Variants in CSNK1G2 observed in about 807,000 individuals in gnomAD.
CSNK1G2 encodes the protein casein kinase 1 gamma 2, also known as casein kinase I isoform gamma-2.
A neutral mutation model predicts 48.0 loss-of-function variants in CSNK1G2; 11 were observed. The ratio of observed to expected loss-of-function variants is 0.23; its 90% CI spans 0.14 to 0.38. The LOEUF is 0.38. CSNK1G2 is among the 10% of genes least tolerant of loss of function. The pLI is 1.00. For missense variants in CSNK1G2, 446 were observed against 595.5 expected (o/e 0.75, Z 2.61); for synonymous variants, 337 against 254.1 (o/e 1.33, Z -3.10).
intron 1 of CSNK1G2, among the ~76,000 whole-genome samples, chr19:1,947,961 C>T (rs994933752): frequency 4.6e-4 from 8 of 17,564 alleles, no homozygotes; most frequent in African/African-American, 1.3e-3. Context: ...TGAGTCAGCT[C>T]GTCCTCGTGC....
chr19:1,957,808 G>A lies in CSNK1G2; in HGVS notation c.-265-11700G>A, dbSNP rs1230039591. On this transcript the variant is annotated intron_variant, in intron 1 of 11. Transcript: ENST00000255641. This position sits in a 1 kb window ranked among gnomAD's most constrained non-coding sequence, Gnocchi z 5.4. ...TGCCGTGTGTGGGGGGTATGTGCTC[G>A]GCGGGCGCCGTGTTTGTGGGGTGGG... is the stretch of plus-strand genomic sequence containing the variant. Among the ~76,000 whole-genome samples, 1 of 152,092 alleles carries A rather than the reference G, an allele frequency of 6.6e-6. No homozygotes were observed. Among genetic ancestry groups the A allele is most frequent in the South Asian group, 2.1e-4 (1 of 4,806 alleles).
rs544074723 is a variant in CSNK1G2, at chr19:1,978,607, G to A, written c.304G>A (p.Val102Ile). 6.3e-6 allele frequency: 10 copies of A among 1,596,100 alleles called. No individual in the cohort carries two copies. The African/African-American group carries it at 9.4e-5, about 15-fold the overall frequency. ...GCGTCTGTCCTCCGCCGCAGAGGGC[G>A]TCCCTCAGGTCTACTACTTCGGTCC... The part of the protein sequence containing the change: ...FYKQLSATEG[V>I]PQVYYFGPCG... Residue 102 changes from valine (V) to isoleucine (I), a missense_variant, in exon 5 of 12, where the codon GTC becomes ATC. Transcript: ENST00000255641. The surrounding 1 kb of genome is among the most constrained non-coding windows in gnomAD (Gnocchi z 7.3).
At chr19:1,955,978 G>A (rs748075517) in intron 1 of CSNK1G2, among the ~76,000 whole-genome samples, 41 of 152,344 alleles carry the variant, frequency 2.7e-4, no homozygotes, top group Non-Finnish European at 5.0e-4. Context: ...CAGCCTGCTC[G>A]TTGGCCGGGC....
chr19:1,968,519 C>T (rs1238433838), intron 1 of CSNK1G2, among the ~76,000 whole-genome samples: 2 of 152,202 alleles, frequency 1.3e-5, no homozygotes, highest in Non-Finnish European at 2.9e-5. Flanking sequence ...AGCCATGAGC[C>T]CCTGTCCAGA....
intron 1 of CSNK1G2, among the ~76,000 whole-genome samples, chr19:1,955,690 G>C (rs535723892): frequency 6.6e-6 from 1 of 152,302 alleles, no homozygotes; most frequent in Admixed American, 6.5e-5. Context: ...TTGGAGGCGG[G>C]ATCCAGCCCT....
intron 1 of CSNK1G2, among the ~76,000 whole-genome samples, chr19:1,947,801 G>C (rs2014616633): frequency 6.6e-6 from 1 of 152,222 alleles, no homozygotes; most frequent in Non-Finnish European, 1.5e-5. Flanking sequence ...GGTCAGGCCT[G>C]TACGCCGTGG....
chr19:1,977,135 G>T (rs1458341198), intron 2 of CSNK1G2, among the ~76,000 whole-genome samples: 1 of 152,240 alleles, frequency 6.6e-6, no homozygotes, highest in Admixed American at 6.5e-5. Context: ...GAGAGACGGG[G>T]CTGCCCCACA....
At chr19:1,961,483 C>A (rs1349854975) in intron 1 of CSNK1G2, among the ~76,000 whole-genome samples, 1 of 152,254 alleles carries the variant, frequency 6.6e-6, no homozygotes, top group African/African-American at 2.4e-5. Flanking sequence ...CTGTCCGTTT[C>A]TCCAGAAGGC....
At chr19:1,969,259 A>C (rs948933062) in intron 1 of CSNK1G2, among the ~76,000 whole-genome samples, 1 of 59,976 alleles carries the variant, frequency 1.7e-5, no homozygotes, top group African/African-American at 7.7e-5. Context: ...CCCGCTTTAC[A>C]GAAAGCCCCC....
chr19:1,976,561 T>C (rs1305402556), intron 2 of CSNK1G2, among the ~76,000 whole-genome samples: 1 of 152,208 alleles, frequency 6.6e-6, no homozygotes, highest in South Asian at 2.1e-4. Flanking sequence ...GAAGAGGCTC[T>C]CAGGGCCCAG....
Position 1,978,664 on chromosome 19 carries a change from C to T in CSNK1G2, c.361C>T (p.Leu121=). Residue 121 remains leucine (L), a synonymous_variant, in exon 5 of 12, where the codon CTG becomes TTG. Transcript: ENST00000255641. This position sits in a 1 kb window ranked among gnomAD's most constrained non-coding sequence, Gnocchi z 7.3. ...CGKYNAMVLE[L]LGPSLEDLFD... ...GAAGTACAACGCCATGGTGCTGGAGCTGCTGGGGCCCAGCCTGGAGGACCT... is the reference window on the plus strand; with the variant it reads ...GAAGTACAACGCCATGGTGCTGGAGTTGCTGGGGCCCAGCCTGGAGGACCT... The T allele has an allele frequency of 6.2e-7, 1 of 1,607,136 alleles. No individual in the cohort carries two copies. Among genetic ancestry groups the T allele is most frequent in the South Asian group, 1.1e-5 (1 of 90,144 alleles).
At position 1,980,506 on chromosome 19, in the gene CSNK1G2, C is replaced by T; in HGVS notation, c.*303C>T. On this transcript the variant is annotated 3_prime_UTR_variant, in exon 12 of 12. Coordinates refer to ENST00000255641, the MANE Select transcript of CSNK1G2 (RefSeq NM_001319.7). ...AAACAGAGGCCCGCCCTACCCCACTCCTGCCCCTCCGTTTCTTTGCTGAAG... is the reference window on the plus strand; with the variant it reads ...AAACAGAGGCCCGCCCTACCCCACTTCTGCCCCTCCGTTTCTTTGCTGAAG... The T allele has an allele frequency of 2.2e-6, 1 of 445,522 alleles. No individual in the cohort carries two copies. The allele number at this position is 445,522 out of a possible 1,614,324, so 27.6% of individuals were successfully genotyped here. A position where few individuals can be genotyped will look rare whatever the true frequency, so the allele number is the denominator to read the frequency against.
At position 1,980,239 on chromosome 19, in the gene CSNK1G2, G is replaced by A; in HGVS notation, c.*36G>A. 6.2e-7 allele frequency: 1 copy of A among 1,611,844 alleles called. No homozygotes were observed. Among genetic ancestry groups the A allele is most frequent in the Non-Finnish European group, 8.5e-7 (1 of 1,179,178 alleles). On this transcript the variant is annotated 3_prime_UTR_variant, in exon 12 of 12. Coordinates refer to ENST00000255641, the MANE Select transcript of CSNK1G2 (RefSeq NM_001319.7). ...GTGCAGCCCCCTGAATCTTCTCCGT[G>A]CAGCCCCTTGGGGCGCGACCTTGTG...
In CSNK1G2 at chr19:1,979,632, G is replaced by A. The variant is rs769746203; in HGVS notation, c.991G>A (p.Gly331Arg). Residue 331 changes from glycine to arginine, a missense_variant, in exon 9 of 12, where the codon GGG (glycine) becomes AGG (arginine). Coordinates refer to ENST00000255641, the MANE Select transcript of CSNK1G2 (RefSeq NM_001319.7). ...FVFDYEYDWA[G>R]KPLPTPIGTV... ...GTTCGACTATGAGTACGACTGGGCC[G>A]GGAAGCCCCTGGTAGGTGGGGGGGT... 1.9e-6 allele frequency: 3 copies of A among 1,604,058 alleles called. No homozygotes were observed. Among genetic ancestry groups the A allele is most frequent in the Non-Finnish European group, 2.5e-6 (3 of 1,179,828 alleles).
chr19:1,947,250 C>A (rs1370247564), intron 1 of CSNK1G2, among the ~76,000 whole-genome samples: 3 of 152,236 alleles, frequency 2.0e-5, no homozygotes, highest in Non-Finnish European at 4.4e-5. Flanking sequence ...GAGTCCCTGC[C>A]TGTGAGGCCT....
In CSNK1G2 at chr19:1,979,891, C is replaced by T. The variant is rs747043224; in HGVS notation, c.1087-20C>T. ...GGAGGGGCATGGGCGGCCAGCGTGACCCCCTACTGCCCCCACCAGGCGTTG... is the reference window on the plus strand; with the variant it reads ...GGAGGGGCATGGGCGGCCAGCGTGATCCCCTACTGCCCCCACCAGGCGTTG... On this transcript the variant is annotated intron_variant, in intron 10 of 11. Coordinates refer to ENST00000255641, the MANE Select transcript of CSNK1G2 (RefSeq NM_001319.7). 3 of 1,605,846 alleles carry T rather than the reference C, an allele frequency of 1.9e-6. No homozygotes were observed. Among genetic ancestry groups the T allele is most frequent in the African/African-American group, 1.3e-5 (1 of 74,860 alleles).
chr19:1,944,707 T>TA (rs1480398065), intron 1 of CSNK1G2, among the ~76,000 whole-genome samples: 42 of 129,606 alleles, frequency 3.2e-4, no homozygotes, highest in African/African-American at 1.2e-3. Context: ...TGGGGGGGGG[T>TA]ACCCCTTTGT....
chr19:1,952,918 G>A (rs559372893), intron 1 of CSNK1G2: 3 of 450,002 alleles, frequency 6.7e-6, no homozygotes, highest in African/African-American at 4.3e-5. Context: ...GACTGCCTTC[G>A]AGTGGAGGGA....
intron 2 of CSNK1G2, among the ~76,000 whole-genome samples, chr19:1,977,381 G>A (rs577283563): frequency 3.0e-4 from 46 of 152,292 alleles, no homozygotes; most frequent in Admixed American, 1.1e-3. Context: ...CTCCCAGGCC[G>A]GCTTCCACAG....
Sources: gnomAD v4.1 joint callset for allele counts (sites outside exome capture counted in the v4.1 genomes callset) on GRCh38, gnomAD v4.1.1 for gene constraint, Gnocchi (gnomAD v3.1) non-coding constraint, MANE v1.5 for transcripts, NCBI Gene and HGNC (gene_info 2026-07-23, HGNC 2026-07-21) for gene names.